Variants in PACRG observed in about 807,000 individuals in gnomAD.
PACRG encodes parkin coregulated.
Under a neutral mutation model 29.7 loss-of-function variants are expected in PACRG, and 29 were observed. That is an observed-to-expected ratio of 0.98 (90% confidence interval 0.73 to 1.33). The LOEUF is 1.33. Among genes scored for constraint, PACRG ranks in the 40% most tolerant of loss-of-function variants. PACRG has a pLI of 0.00. For missense variants in PACRG, 279 were observed against 316.2 expected, an observed-to-expected ratio of 0.88 and a Z score of 0.89; for synonymous variants, 116 against 118.7, an observed-to-expected ratio of 0.98 and a Z score of 0.15.
rs928190236 is a variant in PACRG at position 163,055,466 on chromosome 6, G to C, written c.292-6684G>C. Among the ~76,000 whole-genome samples, 1 of 151,866 alleles carries C rather than the reference G, an allele frequency of 6.6e-6. No individual in the cohort carries two copies. Among genetic ancestry groups the C allele is most frequent in the African/African-American group, 2.4e-5 (1 of 41,342 alleles). ...ATATAAGAGGGATTACCAAAGCCTAGGCCAAATTCATCCACTGAAAACAAA... is the reference window on the plus strand; with the variant it reads ...ATATAAGAGGGATTACCAAAGCCTACGCCAAATTCATCCACTGAAAACAAA... On this transcript the variant is annotated intron_variant, in intron 2 of 4. Coordinates refer to ENST00000366888, the MANE Select transcript of PACRG (RefSeq NM_001080379.2). The surrounding 1 kb of genome is among the most constrained non-coding windows in gnomAD (Gnocchi z 4.0).
chr6:162,802,808 CTCACTT>C lies in PACRG; in HGVS notation c.157-11338_157-11333del, dbSNP rs556228548. 1.9e-3 allele frequency among the ~76,000 whole-genome samples: 289 copies of C among 152,280 alleles called. 1 individual carries two copies. Among genetic ancestry groups the C allele is most frequent in the African/African-American group, 6.6e-3 (274 of 41,574 alleles). ...AACAAAAACAAAAAAAATGGTCTCT[CTCACTT>C]GTTGAATTTTATGGTATCATCCCTT... On this transcript the variant is annotated intron_variant, in intron 1 of 4. Coordinates refer to ENST00000366888, the MANE Select transcript of PACRG (RefSeq NM_001080379.2).
At chr6:163,122,908 C>G (rs1397300739) in intron 4 of PACRG, among the ~76,000 whole-genome samples, 2 of 152,194 alleles carry the variant, frequency 1.3e-5, no homozygotes, top group African/African-American at 4.8e-5. Context: ...GGGAAGAAAA[C>G]TTAACATAAG....
At chr6:163,072,584 C>T (rs545540452) in intron 3 of PACRG, among the ~76,000 whole-genome samples, 3 of 152,122 alleles carry the variant, frequency 2.0e-5, no homozygotes, top group South Asian at 2.1e-4. Flanking sequence ...TGTTATTCAA[C>T]GTAGTACTGG....
At chr6:163,084,851 C>CATATAATACATATATTATATTAT (rs1813400343) in intron 3 of PACRG, among the ~76,000 whole-genome samples, 3 of 138,698 alleles carry the variant, frequency 2.2e-5, no homozygotes, top group African/African-American at 8.3e-5. Context: ...CATATGTGTG[C>CATATAATACATATATTATATTAT]ATATATATAA....
rs1305424105 is a variant in PACRG at position 162,747,450 on chromosome 6, A to G, written c.156+19059A>G. 2.6e-5 allele frequency among the ~76,000 whole-genome samples: 3 copies of G among 115,700 alleles called. 1 individual carries two copies. The highest frequency in any genetic ancestry group is 1.0e-4 in the Admixed American group (1 of 9,962). 75.9% of individuals were successfully genotyped at this position (115,700 alleles called of 152,430 possible). On this transcript the variant is annotated intron_variant, in intron 1 of 4. Coordinates refer to ENST00000366888, the MANE Select transcript of PACRG (RefSeq NM_001080379.2). ...TATATATGTAAAACTATATATATAT[A>G]TAACTATAAATATATATGTAAAACT...
intron 4 of PACRG, among the ~76,000 whole-genome samples, chr6:163,272,375 G>C (rs1455946140): frequency 1.3e-5 from 2 of 152,020 alleles, no homozygotes; most frequent in African/African-American, 4.8e-5. Context: ...TACTGAATTT[G>C]TTTGTTTATT....
intron 2 of PACRG, among the ~76,000 whole-genome samples, chr6:162,888,677 C>G (rs1004274327): frequency 6.6e-6 from 1 of 152,172 alleles, no homozygotes; most frequent in Admixed American, 6.5e-5. Flanking sequence ...TGAAGACACA[C>G]TTGGTCCTCC....
intron 1 of PACRG, among the ~76,000 whole-genome samples, chr6:162,788,978 A>T (rs1033851830): frequency 7.2e-5 from 11 of 152,156 alleles, no homozygotes; most frequent in African/African-American, 2.7e-4. Flanking sequence ...TGAAGAAGAA[A>T]AGCTTCCCTG....
intron 1 of PACRG, among the ~76,000 whole-genome samples, chr6:162,735,786 G>A (rs1780121077): frequency 1.3e-5 from 2 of 152,002 alleles, no homozygotes; most frequent in African/African-American, 4.8e-5. Context: ...ACATACTTGT[G>A]TATTTCTTCA....
intron 2 of PACRG, among the ~76,000 whole-genome samples, chr6:162,968,862 C>T (rs935914356): frequency 6.6e-6 from 1 of 151,948 alleles, no homozygotes. Context: ...GCCTGGCCAA[C>T]ATGGCGAAAC....
chr6:162,850,906 T>C (rs1219356198), intron 2 of PACRG, among the ~76,000 whole-genome samples: 2 of 152,200 alleles, frequency 1.3e-5, no homozygotes, highest in African/African-American at 4.8e-5. Flanking sequence ...GGAGACAGTC[T>C]TGCGGGCCTG....
At chr6:163,164,383 A>T (rs1778701586) in intron 4 of PACRG, among the ~76,000 whole-genome samples, 1 of 152,064 alleles carries the variant, frequency 6.6e-6, no homozygotes. Flanking sequence ...TGGCCTCTAA[A>T]CTAAGTCCCC....
At chr6:162,966,477 ATTTTT>A (rs67914954) in intron 2 of PACRG, among the ~76,000 whole-genome samples, 1 of 125,198 alleles carries the variant, frequency 8.0e-6, no homozygotes, top group Non-Finnish European at 1.8e-5. Flanking sequence ...AATGACATGT[ATTTTT>A]TTTTTTTTTT....
chr6:162,758,171 C>T (rs1393289599), intron 1 of PACRG, among the ~76,000 whole-genome samples: 1 of 152,026 alleles, frequency 6.6e-6, no homozygotes, highest in Non-Finnish European at 1.5e-5. Flanking sequence ...TTATTATTAG[C>T]TTTCTTATCT....
At chr6:163,269,856 A>G (rs60086055) in intron 4 of PACRG, among the ~76,000 whole-genome samples, 5 of 68,988 alleles carry the variant, frequency 7.2e-5, no homozygotes, top group East Asian at 3.8e-4. Flanking sequence ...AAAGAAAGAA[A>G]GAGAAAGAAA....
intron 1 of PACRG, among the ~76,000 whole-genome samples, chr6:162,744,558 ACTC>A (rs1780844383): frequency 6.6e-6 from 1 of 152,118 alleles, no homozygotes; most frequent in Non-Finnish European, 1.5e-5. Flanking sequence ...TCATCACTGC[ACTC>A]CAGCCTCAGT....
intron 2 of PACRG, among the ~76,000 whole-genome samples, chr6:163,058,337 A>G (rs1810772492): frequency 6.6e-6 from 1 of 152,114 alleles, no homozygotes; most frequent in Non-Finnish European, 1.5e-5. Context: ...ACAGTTCCAG[A>G]ATCAGTCGAA....
chr6:163,021,688 G>GCCT (rs1230832255), intron 2 of PACRG, among the ~76,000 whole-genome samples: 1 of 152,092 alleles, frequency 6.6e-6, no homozygotes, highest in African/African-American at 2.4e-5. Flanking sequence ...CTGAAGTCCA[G>GCCT]CCTCATCTCT....
intron 2 of PACRG, among the ~76,000 whole-genome samples, chr6:162,912,929 A>C (rs1048437916): frequency 1.3e-5 from 2 of 152,052 alleles, no homozygotes; most frequent in African/African-American, 2.4e-5. Context: ...AAACAAAAAA[A>C]AAAAAAACAA....
Sources: gnomAD v4.1 joint callset for allele counts (sites outside exome capture counted in the v4.1 genomes callset) on GRCh38, gnomAD v4.1.1 for gene constraint, Gnocchi (gnomAD v3.1) non-coding constraint, MANE v1.5 for transcripts, NCBI Gene and HGNC (gene_info 2026-07-23, HGNC 2026-07-21) for gene names.